The following PCDH9 variants were observed in gnomAD, a reference collection of about 807,000 sequenced individuals.
PCDH9 encodes protocadherin 9, also known as protocadherin-9.
In PCDH9, 24 loss-of-function variants were observed where a neutral mutation model predicts 70.6. The ratio of observed to expected loss-of-function variants is 0.34; its 90% CI spans 0.25 to 0.48. The LOEUF is 0.48. Among genes scored for constraint, PCDH9 ranks in the 20% least tolerant of loss-of-function variants. PCDH9 has a pLI of 0.99. For synonymous variants in PCDH9, 562 were observed against 558.5 expected (o/e 1.01, Z -0.09); for missense variants, 1,281 against 1,503.6 (o/e 0.85, Z 2.45).
At chr13:66,568,787 G>A (rs1452126423) in intron 4 of PCDH9, among the ~76,000 whole-genome samples, 9 of 151,874 alleles carry the variant, frequency 5.9e-5, no homozygotes, top group South Asian at 2.1e-4. Context: ...AAAAATATAG[G>A]TGCATCTTGA....
At chr13:66,522,485 C>T (rs1026944278) in intron 4 of PCDH9, among the ~76,000 whole-genome samples, 1 of 151,978 alleles carries the variant, frequency 6.6e-6, no homozygotes, top group Non-Finnish European at 1.5e-5. Context: ...ATAGCTTATG[C>T]GTATCAGTAG....
chr13:66,739,031 C>T (rs1212118047), intron 3 of PCDH9, among the ~76,000 whole-genome samples: 2 of 112,770 alleles, frequency 1.8e-5, no homozygotes, highest in African/African-American at 6.6e-5. Context: ...CTCCAAGACA[C>T]ATAATTGTCA....
intron 3 of PCDH9, among the ~76,000 whole-genome samples, chr13:66,723,330 T>A (rs552551241): frequency 1.3e-5 from 2 of 152,172 alleles, no homozygotes; most frequent in East Asian, 3.9e-4. Flanking sequence ...TAACATCTTA[T>A]GGAAAAGAGA....
intron 4 of PCDH9, among the ~76,000 whole-genome samples, chr13:66,459,446 C>A (rs1487431075): frequency 1.3e-5 from 2 of 151,562 alleles, no homozygotes; most frequent in Non-Finnish European, 2.9e-5. Flanking sequence ...TGAGGTTTTA[C>A]TTTTGAATTT....
rs2085867109 is a variant in PCDH9, at chr13:67,075,802, TAAC to T, written c.3036+149600_3036+149602del. Among the ~76,000 whole-genome samples, 3 of 152,140 alleles carry T rather than the reference TAAC, an allele frequency of 2.0e-5. No homozygotes were observed. The South Asian group carries it at 6.2e-4, about 32-fold the overall frequency. On this transcript the variant is annotated intron_variant, in intron 2 of 4. Transcript: ENST00000377865. The stretch of plus-strand genomic sequence containing the variant: ...GTGGTTTATTCAATAATTAAGAAAA[TAAC>T]AAATAAATGACAATAATAATAATAA...
rs750842381 is a variant in PCDH9, at chr13:66,335,466, C to T, written c.3341-30438G>A. ...GAATTAAATGAACAAACAAAAAATGCTAACATTTTTGCAGTACTTATATAC... is the reference window on the plus strand; with the variant it reads ...GAATTAAATGAACAAACAAAAAATGTTAACATTTTTGCAGTACTTATATAC... On this transcript the variant is annotated intron_variant, in intron 4 of 4. Transcript: ENST00000377865. Among the ~76,000 whole-genome samples the T allele has an allele frequency of 1.5e-3, 227 of 152,086 alleles. 3 individuals carry two copies. Among genetic ancestry groups the T allele is most frequent in the Non-Finnish European group, 5.6e-4 (38 of 67,994 alleles).
At chr13:66,902,740 G>A (rs1594233583) in intron 3 of PCDH9, among the ~76,000 whole-genome samples, 1 of 151,414 alleles carries the variant, frequency 6.6e-6, no homozygotes, top group East Asian at 1.9e-4. Context: ...TGCAAAAATA[G>A]TTAACACGAC....
rs547641054 is a variant in PCDH9, at chr13:66,508,021, C to T, written c.3340+123189G>A. Among the ~76,000 whole-genome samples, 467 of 152,202 alleles carry T rather than the reference C, an allele frequency of 3.1e-3. 3 individuals are homozygous for T. Among genetic ancestry groups the T allele is most frequent in the African/African-American group, 0.011 (451 of 41,548 alleles). The stretch of plus-strand genomic sequence containing the variant: ...CAGGCGTGAGCCATCGCACCTGGCC[C>T]TACCTTGTATTTTCTTTGTGTCCTT... On this transcript the variant is annotated intron_variant, in intron 4 of 4. Coordinates refer to ENST00000377865, the MANE Select transcript of PCDH9 (RefSeq NM_203487.3).
At chr13:66,918,201 C>G (rs748467923) in intron 2 of PCDH9, among the ~76,000 whole-genome samples, 1 of 150,802 alleles carries the variant, frequency 6.6e-6, no homozygotes, top group African/African-American at 2.4e-5. Context: ...TGTGCAAGTA[C>G]AAAATAGAGA....
At position 66,952,374 on chromosome 13, in the gene PCDH9, A is replaced by C. The variant is rs531344657; in HGVS notation, c.3037-48769T>G. Among the ~76,000 whole-genome samples the C allele has an allele frequency of 1.9e-4, 29 of 152,324 alleles. No homozygotes were observed. The South Asian group carries it at 6.0e-3, about 32-fold the overall frequency. ...AGACTGCTTCACAGACATGTCTTAA[A>C]AATTGGTGTAAGTTAATGATTTATT... On this transcript the variant is annotated intron_variant, in intron 2 of 4. Transcript: ENST00000377865.
chr13:66,376,485 A>G (rs1198095015), intron 4 of PCDH9, among the ~76,000 whole-genome samples: 2 of 152,126 alleles, frequency 1.3e-5, no homozygotes, highest in African/African-American at 2.4e-5. Flanking sequence ...AGTTTTATGC[A>G]TCATTAATAT....
chr13:67,205,409 A>G (rs541077262), intron 2 of PCDH9: 1 of 152,332 alleles, frequency 6.6e-6, no homozygotes, highest in South Asian at 2.1e-4. Context: ...AGGGACTTCA[A>G]GAAAAAGCTG....
At chr13:66,717,573 T>G (rs1265884356) in intron 3 of PCDH9, among the ~76,000 whole-genome samples, 1 of 147,826 alleles carries the variant, frequency 6.8e-6, no homozygotes, top group East Asian at 2.0e-4. Flanking sequence ...CAACTTTGAT[T>G]AAGGGTTTTA....
intron 2 of PCDH9, among the ~76,000 whole-genome samples, chr13:66,946,792 C>T (rs2083095208): frequency 6.6e-6 from 1 of 151,674 alleles, no homozygotes; most frequent in Non-Finnish European, 1.5e-5. Flanking sequence ...ATTTTAGTCC[C>T]AAAAGGTATA....
At chr13:66,629,194 T>C (rs922087645) in intron 4 of PCDH9, among the ~76,000 whole-genome samples, 1 of 152,246 alleles carries the variant, frequency 6.6e-6, no homozygotes, top group Non-Finnish European at 1.5e-5. Context: ...GATATCTTTG[T>C]AAATTAACTT....
intron 2 of PCDH9, among the ~76,000 whole-genome samples, chr13:67,146,057 T>C (rs1483415620): frequency 2.0e-5 from 3 of 152,140 alleles, no homozygotes; most frequent in Non-Finnish European, 4.4e-5. Context: ...TCAGATTTAA[T>C]AGGACTCTTT....
intron 2 of PCDH9, among the ~76,000 whole-genome samples, chr13:67,127,741 T>C (rs1358520668): frequency 6.6e-6 from 1 of 151,610 alleles, no homozygotes; most frequent in Non-Finnish European, 1.5e-5. Context: ...TATTTTTTTC[T>C]TTCCTCATGT....
At chr13:66,503,200 A>G (rs886127800) in intron 4 of PCDH9, among the ~76,000 whole-genome samples, 12 of 152,232 alleles carry the variant, frequency 7.9e-5, no homozygotes, top group African/African-American at 1.9e-4. Flanking sequence ...AATCTCCAGT[A>G]TCACATCATT....
chr13:66,657,145 G>A lies in PCDH9; in HGVS notation c.3139-25734C>T, dbSNP rs139730691. ...CAGAATAAGTTATACAGAGATCAGT[G>A]GATATAAAACATTATAACCAATTAC... On this transcript the variant is annotated intron_variant, in intron 3 of 4. Transcript: ENST00000377865. 3.0e-3 allele frequency among the ~76,000 whole-genome samples: 454 copies of A among 152,230 alleles called. 2 individuals carry two copies. The highest frequency in any genetic ancestry group is 4.7e-3 in the Non-Finnish European group (318 of 68,002).
Sources: allele counts gnomAD v4.1 joint callset (sites outside exome capture counted in the v4.1 genomes callset), GRCh38; gene constraint gnomAD v4.1.1; transcripts MANE v1.5; gene names NCBI Gene and HGNC (gene_info 2026-07-23, HGNC 2026-07-21).